CLEC9A: variants seen among roughly 807,000 people sequenced by gnomAD.
CLEC9A encodes C-type lectin domain containing 9A.
A neutral mutation model predicts 30.0 loss-of-function variants in CLEC9A; 24 were observed. That is an observed-to-expected ratio of 0.80 (90% confidence interval 0.58 to 1.13). The LOEUF (loss-of-function observed/expected upper bound fraction) is 1.13, where lower values mean the gene tolerates loss of function less well. Among genes scored for constraint, CLEC9A ranks in the 50% most tolerant of loss-of-function variants. CLEC9A has a pLI of 0.00. For missense variants in CLEC9A, 251 were observed against 280.9 expected (o/e 0.89, Z 0.76); for synonymous variants, 111 against 96.8 (o/e 1.15, Z -0.86).
At chr12:10,050,320 T>C (rs548718729) in intron 2 of CLEC9A, among the ~76,000 whole-genome samples, 116 of 152,232 alleles carry the variant, frequency 7.6e-4, no homozygotes, top group Non-Finnish European at 1.4e-3. Context: ...AGTAACCATA[T>C]GTTGTTGGAA....
intron 5 of CLEC9A, among the ~76,000 whole-genome samples, chr12:10,056,580 A>C (rs967862561): frequency 2.0e-5 from 3 of 152,198 alleles, no homozygotes; most frequent in Non-Finnish European, 2.9e-5. Context: ...TTTGATTAAG[A>C]ATGAACATTT....
At chr12:10,036,559 A>G (rs751423978) in intron 1 of CLEC9A, among the ~76,000 whole-genome samples, 1 of 152,198 alleles carries the variant, frequency 6.6e-6, no homozygotes, top group Non-Finnish European at 1.5e-5. Flanking sequence ...AGTAGTCAAC[A>G]TCTTATTGCC....
At chr12:10,065,281 GT>G (rs1485614875) in intron 8 of CLEC9A, among the ~76,000 whole-genome samples, 1 of 152,104 alleles carries the variant, frequency 6.6e-6, no homozygotes, top group Non-Finnish European at 1.5e-5. Context: ...GGGTATCTAT[GT>G]TTTCTTTTTC....
intron 5 of CLEC9A, among the ~76,000 whole-genome samples, chr12:10,055,033 G>T (rs1331563132): frequency 6.6e-6 from 1 of 152,172 alleles, no homozygotes; most frequent in African/African-American, 2.4e-5. Flanking sequence ...ATAAGGAAGG[G>T]AAAGGTTCAG....
chr12:10,033,555 A>G (rs1157215126), intron 1 of CLEC9A, among the ~76,000 whole-genome samples: 1 of 152,224 alleles, frequency 6.6e-6, no homozygotes, highest in Non-Finnish European at 1.5e-5. Flanking sequence ...TGAATATTCC[A>G]TACCTACGGT....
In CLEC9A at chr12:10,054,344, C is replaced by T. The variant is rs747983479; in HGVS notation, c.165C>T (p.Gly55=). 84 of 1,607,124 alleles carry T rather than the reference C, an allele frequency of 5.2e-5. No homozygotes were observed. Among genetic ancestry groups the T allele is most frequent in the Middle Eastern group, 1.6e-4 (1 of 6,066 alleles). The change falls in exon 5 of 9, where the codon GGC becomes GGT. Residue 55 remains glycine (G), a synonymous_variant. Transcript: ENST00000355819. ...MGLLTASIFL[G]VKLLQVSTIA... ...TATTAACAGCATCCATTTTCTTGGG[C>T]GTCAAGTGTAAGTACTAAAAGATAT...
At chr12:10,040,453 T>A (rs941672059) in intron 1 of CLEC9A, among the ~76,000 whole-genome samples, 1 of 101,790 alleles carries the variant, frequency 9.8e-6, no homozygotes, top group African/African-American at 3.1e-5. Context: ...ACATTGGCAA[T>A]TTTTTTTTTT....
At chr12:10,044,516 A>G (rs1865828511) in intron 2 of CLEC9A, among the ~76,000 whole-genome samples, 1 of 151,568 alleles carries the variant, frequency 6.6e-6, no homozygotes. Flanking sequence ...AACAAATCAA[A>G]CTCGTTTTTT....
chr12:10,058,777 T>G (rs1865967034), intron 5 of CLEC9A, among the ~76,000 whole-genome samples: 1 of 152,132 alleles, frequency 6.6e-6, no homozygotes, highest in African/African-American at 2.4e-5. Flanking sequence ...ACTCCTGACC[T>G]CAAGTGAGCC....
chr12:10,060,579 T>C (rs1407039236), intron 5 of CLEC9A: 1 of 152,460 alleles, frequency 6.6e-6, no homozygotes, highest in African/African-American at 2.4e-5. Context: ...GGTGTACTTA[T>C]AAAAGGGCAA....
At chr12:10,048,459 A>C (rs1865867078) in intron 2 of CLEC9A, among the ~76,000 whole-genome samples, 1 of 152,222 alleles carries the variant, frequency 6.6e-6, no homozygotes, top group Non-Finnish European at 1.5e-5. Context: ...AATCATGTGA[A>C]ATAGCATTTT....
intron 5 of CLEC9A, among the ~76,000 whole-genome samples, 180 bp downstream of exon 5, chr12:10,054,531 A>G (rs1021637026): frequency 6.6e-6 from 1 of 152,180 alleles, no homozygotes; most frequent in Non-Finnish European, 1.5e-5. Flanking sequence ...ATAACTTTCA[A>G]TGATCTATTG....
intron 1 of CLEC9A, among the ~76,000 whole-genome samples, chr12:10,031,971 C>T (rs1413046086): frequency 2.0e-5 from 3 of 151,340 alleles, no homozygotes; most frequent in Non-Finnish European, 4.4e-5. Context: ...AAGGCTGAGC[C>T]TTGTTTGGAG....
intron 2 of CLEC9A, among the ~76,000 whole-genome samples, chr12:10,047,037 C>G (rs1865852493): frequency 6.6e-6 from 1 of 152,116 alleles, no homozygotes. Flanking sequence ...GCTTTGTGCA[C>G]TAACACTTAA....
chr12:10,044,268 T>C (rs567246288), intron 2 of CLEC9A, among the ~76,000 whole-genome samples: 3 of 152,336 alleles, frequency 2.0e-5, no homozygotes, highest in African/African-American at 7.2e-5. Context: ...GTCCATCCTA[T>C]ATATCAAAAC....
In CLEC9A at chr12:10,032,389, C is replaced by CTTTTT. The variant is rs10647036; in HGVS notation, c.-318+1432_-318+1436dup. 6.1e-4 allele frequency among the ~76,000 whole-genome samples: 71 copies of CTTTTT among 117,228 alleles called. 1 individual carries two copies. Among genetic ancestry groups the CTTTTT allele is most frequent in the East Asian group, 2.1e-3 (8 of 3,842 alleles). The allele number at this position is 117,228 out of a possible 152,430, so 76.9% of individuals were successfully genotyped here. A position where few individuals can be genotyped will look rare whatever the true frequency, so the allele number is the denominator to read the frequency against. ...CATCCACCTACCTCCTTAGGGATTT[C>CTTTTT]TTTTTTTTTTTTTTTTTTTGAGACG... On this transcript the variant is annotated intron_variant, in intron 1 of 8. Coordinates refer to ENST00000355819, the MANE Select transcript of CLEC9A (RefSeq NM_207345.4).
At chr12:10,040,288 G>A (rs982242196) in intron 1 of CLEC9A, among the ~76,000 whole-genome samples, 2 of 152,110 alleles carry the variant, frequency 1.3e-5, no homozygotes, top group Non-Finnish European at 2.9e-5. Flanking sequence ...GCATGTTATT[G>A]ATCTAGGGAT....
At chr12:10,035,120 G>T (rs1444546139) in intron 1 of CLEC9A, among the ~76,000 whole-genome samples, 4 of 152,198 alleles carry the variant, frequency 2.6e-5, no homozygotes, top group Non-Finnish European at 5.9e-5. Flanking sequence ...TTCACCAGTT[G>T]GTGGCCTGCC....
At chr12:10,049,978 T>A (rs1865878930) in intron 2 of CLEC9A, among the ~76,000 whole-genome samples, 1 of 152,150 alleles carries the variant, frequency 6.6e-6, no homozygotes, top group Non-Finnish European at 1.5e-5. Context: ...TGATTTAAAG[T>A]GAGAGACATG....
Sources: gnomAD v4.1 joint callset for allele counts (sites outside exome capture counted in the v4.1 genomes callset) on GRCh38, gnomAD v4.1.1 for gene constraint, MANE v1.5 for transcripts, NCBI Gene and HGNC (gene_info 2026-07-23, HGNC 2026-07-21) for gene names.